PGM3: variants seen among roughly 807,000 people sequenced by gnomAD.
PGM3 encodes phosphoglucomutase 3.
In PGM3, 40 loss-of-function variants were observed where a neutral mutation model predicts 66.2. The observed-to-expected ratio is 0.60, with a 90% CI of 0.47 to 0.79. PGM3 has a LOEUF of 0.79. Among genes scored for constraint, PGM3 ranks in the 30% least tolerant of loss-of-function variants. The pLI is 0.00. For missense variants in PGM3, 537 were observed against 643.4 expected (o/e 0.83, Z 1.79); for synonymous variants, 191 against 224.2 (o/e 0.85, Z 1.32).
At chr6:83,153,807 C>G in the PGM3 span, 2 of 1,374,190 alleles carry the variant, frequency 1.5e-6, no homozygotes, top group South Asian at 2.9e-5. Flanking sequence ...ATGTCACTGT[C>G]TTAGGTAAAT....
chr6:83,177,535 T>C (rs1015298793), intron 8 of PGM3, among the ~76,000 whole-genome samples: 1 of 152,156 alleles, frequency 6.6e-6, no homozygotes, highest in African/African-American at 2.4e-5. Flanking sequence ...TGCTAAGAGA[T>C]AGCAAAGATA....
chr6:83,181,895 C>T lies in PGM3; in HGVS notation c.628G>A (p.Val210Ile). 2 of 1,613,064 alleles carry T rather than the reference C, an allele frequency of 1.2e-6. No homozygotes were observed. The highest frequency in any genetic ancestry group is 1.1e-5 in the South Asian group (1 of 90,852). ...CSGDEYRSLK[V>I]DCANGIGALK... ...GCCCCTATGCCATTTGCACAGTCAA[C>T]CTTAAGTGATCTGTATTCATCTCCA... is the stretch of plus-strand genomic sequence containing the variant. The change falls in exon 6 of 13, where the codon GTT becomes ATT. Residue 210 changes from valine to isoleucine, a missense_variant. By Grantham distance (29) the Val-to-Ile change is conservative (BLOSUM62 3). Transcript: ENST00000513973.
downstream of PGM3, chr6:83,160,103 A>G: frequency 1.2e-6 from 1 of 809,570 alleles, no homozygotes; most frequent in Non-Finnish European, 1.9e-6. Flanking sequence ...TTGGCACAGC[A>G]GAGTTATCGG....
downstream of PGM3, chr6:83,163,042 C>A: frequency 1.8e-6 from 2 of 1,138,560 alleles, no homozygotes; most frequent in Admixed American, 2.4e-5. Flanking sequence ...GAAAACAAGT[C>A]CCCAGTTTTG....
At chr6:83,160,362 G>A (rs1210815137), downstream of PGM3, among the ~76,000 whole-genome samples, 1 of 152,234 alleles carries the variant, frequency 6.6e-6, no homozygotes, top group Non-Finnish European at 1.5e-5. Flanking sequence ...AGCTGGGAGA[G>A]TGAAGATAGA....
intron 4 of PGM3, among the ~76,000 whole-genome samples, chr6:83,186,445 A>C (rs1370826216): frequency 6.6e-6 from 1 of 152,140 alleles, no homozygotes; most frequent in African/African-American, 2.4e-5. Context: ...CGTTTGTTTT[A>C]ATGAGAAAGA....
downstream of PGM3, among the ~76,000 whole-genome samples, chr6:83,156,675 C>T (rs1163291922): frequency 1.3e-5 from 2 of 152,214 alleles, no homozygotes; most frequent in African/African-American, 4.8e-5. Context: ...TCAGCATACT[C>T]TAAAGCCTCC....
At position 83,167,855 on chromosome 6, in the gene PGM3, T is replaced by C. The variant is rs1192951873; in HGVS notation, c.*1379A>G. On this transcript the variant is annotated 3_prime_UTR_variant, in exon 13 of 13. Transcript: ENST00000513973. The stretch of plus-strand genomic sequence containing the variant: ...ATTAATACCAGTTCACTTTTTGTTT[T>C]CTGCAGAAAAATCCAGAGGAAGACA... 8 of 1,596,366 alleles carry C rather than the reference T, an allele frequency of 5.0e-6. No individual in the cohort carries two copies. The highest frequency in any genetic ancestry group is 2.2e-5 in the East Asian group (1 of 44,608).
At chr6:83,162,902 C>CT, downstream of PGM3, 1 of 1,612,536 alleles carries the variant, frequency 6.2e-7, no homozygotes, top group East Asian at 2.2e-5. Context: ...AGCAAAACTT[C>CT]TTCGGAAAAG....
downstream of PGM3, among the ~76,000 whole-genome samples, chr6:83,157,852 G>A (rs547985649): frequency 3.9e-5 from 6 of 152,158 alleles, no homozygotes; most frequent in Non-Finnish European, 8.8e-5. Flanking sequence ...TCCTCAAACC[G>A]TACACAGTCA....
At chr6:83,191,524 A>C (rs1335521762) in intron 1 of PGM3, among the ~76,000 whole-genome samples, 1 of 152,156 alleles carries the variant, frequency 6.6e-6, no homozygotes, top group African/African-American at 2.4e-5. Context: ...TTTCTCCCAA[A>C]CTACAGAGAC....
rs1203391978 is a variant in PGM3, at chr6:83,179,895, T to C, written c.860A>G (p.His287Arg). 1.9e-6 allele frequency: 3 copies of C among 1,612,698 alleles called. No individual in the cohort carries two copies. Among genetic ancestry groups the C allele is most frequent in the East Asian group, 2.2e-5 (1 of 44,860 alleles). The part of the protein sequence containing the change: ...GDADRIVYYY[H>R]DADGHFHLID... ...GAGATGAAAGTGGCCATCTGCATCATGGTAGTAATAAACAATTCTGTCTGC... is the reference window on the plus strand; with the variant it reads ...GAGATGAAAGTGGCCATCTGCATCACGGTAGTAATAAACAATTCTGTCTGC... The change falls in exon 7 of 13, where the codon CAT becomes CGT. Residue 287 changes from histidine to arginine, a missense_variant. Transcript: ENST00000513973.
intron 4 of PGM3, among the ~76,000 whole-genome samples, chr6:83,185,946 T>C (rs1264660035): frequency 6.6e-6 from 1 of 151,996 alleles, no homozygotes; most frequent in Non-Finnish European, 1.5e-5. Context: ...GCCAAGCAAG[T>C]AGAAGCTCAA....
chr6:83,166,099 T>TAA lies in PGM3; in HGVS notation c.*3134_*3135insTT, dbSNP rs1349970521. 1.0e-5 allele frequency: 4 copies of TAA among 385,994 alleles called. No homozygotes were observed. Among genetic ancestry groups the TAA allele is most frequent in the African/African-American group, 8.1e-5 (4 of 49,122 alleles). 23.9% of individuals were successfully genotyped at this position (385,994 alleles called of 1,614,324 possible). ...CACAATCCGATAGAGAAATGATTCA[T>TAA]TATTGTTGCATAGAATAGAGAAAAT... On this transcript the variant is annotated 3_prime_UTR_variant, in exon 13 of 13. Transcript: ENST00000513973.
chr6:83,155,177 G>C, the PGM3 span, among the ~76,000 whole-genome samples: 7 of 151,978 alleles, frequency 4.6e-5, no homozygotes, highest in East Asian at 1.2e-3. Flanking sequence ...AATTACAAAG[G>C]TTGGCTGGGT....
rs958485307 is a variant in PGM3, at chr6:83,183,087, C to T, written c.458-109G>A. On this transcript the variant is annotated intron_variant, in intron 4 of 12. Transcript: ENST00000513973. ...AGGGTGACAAATCCTTTTGTGTCATCTCAGACATCTTAGAAAACATAAAAA... is the reference window on the plus strand; with the variant it reads ...AGGGTGACAAATCCTTTTGTGTCATTTCAGACATCTTAGAAAACATAAAAA... The T allele has an allele frequency of 5.3e-6, 5 of 949,942 alleles. No homozygotes were observed. The Admixed American group carries it at 7.7e-5, about 15-fold the overall frequency. 58.8% of individuals were successfully genotyped at this position (949,942 alleles called of 1,614,324 possible).
At chr6:83,189,685 G>C (rs1388921275) in intron 2 of PGM3, among the ~76,000 whole-genome samples, 1 of 152,150 alleles carries the variant, frequency 6.6e-6, no homozygotes, top group East Asian at 1.9e-4. Context: ...ATGGCCTATA[G>C]CTAATAAAGA....
chr6:83,179,003 C>CT (rs1205537421), intron 7 of PGM3, among the ~76,000 whole-genome samples: 1 of 152,142 alleles, frequency 6.6e-6, no homozygotes, highest in African/African-American at 2.4e-5. Context: ...ATCTTCACCT[C>CT]TTTAATTTTT....
At chr6:83,184,411 T>C (rs1034698673) in intron 4 of PGM3, among the ~76,000 whole-genome samples, 1 of 152,166 alleles carries the variant, frequency 6.6e-6, no homozygotes, top group African/African-American at 2.4e-5. Context: ...AATGATGAGA[T>C]GGGAGGAGAT....
Sources: allele counts gnomAD v4.1 joint callset (sites outside exome capture counted in the v4.1 genomes callset), GRCh38; gene constraint gnomAD v4.1.1; transcripts MANE v1.5; gene names NCBI Gene and HGNC (gene_info 2026-07-23, HGNC 2026-07-21).